The following SLC2A9 variants were observed in gnomAD, a reference collection of about 807,000 sequenced individuals.
SLC2A9 encodes the protein solute carrier family 2 member 9, also known as solute carrier family 2, facilitated glucose transporter member 9.
A neutral mutation model predicts 50.6 loss-of-function variants in SLC2A9; 39 were observed. The ratio of observed to expected loss-of-function variants is 0.77; its 90% CI spans 0.60 to 1.01. The LOEUF is 1.01. SLC2A9 is among the 50% of genes least tolerant of loss of function. SLC2A9 has a pLI of 0.00. For synonymous variants in SLC2A9, 324 were observed against 276.9 expected (o/e 1.17, Z -1.69); for missense variants, 686 against 677.6 (o/e 1.01, Z -0.14).
intron 10 of SLC2A9, among the ~76,000 whole-genome samples, chr4:9,869,804 T>G (rs966381481): frequency 6.6e-6 from 1 of 152,218 alleles, no homozygotes; most frequent in Admixed American, 6.5e-5. Context: ...TCAAAGCATA[T>G]GAGAAAACAG....
chr4:9,818,579 G>A (rs990081324), intron 3 of SLC2A9, among the ~76,000 whole-genome samples: 22 of 152,212 alleles, frequency 1.4e-4, no homozygotes, highest in African/African-American at 4.8e-4. Context: ...CCAGGGACAG[G>A]GGGTTTTCAC....
At chr4:9,787,851 G>A (rs1464973958) in intron 3 of SLC2A9, among the ~76,000 whole-genome samples, 1 of 152,182 alleles carries the variant, frequency 6.6e-6, no homozygotes, top group African/African-American at 2.4e-5. Context: ...CATGGCATGA[G>A]GGGCAGGTGC....
chr4:9,863,388 CCTT>C (rs1731960603), intron 10 of SLC2A9, among the ~76,000 whole-genome samples: 1 of 151,968 alleles, frequency 6.6e-6, no homozygotes, highest in Non-Finnish European at 1.5e-5. Flanking sequence ...CTCAAGAAAT[CCTT>C]CTGCTTCAGC....
downstream of SLC2A9, among the ~76,000 whole-genome samples, chr4:9,777,250 C>A (rs1345000027): frequency 6.6e-6 from 1 of 150,410 alleles, no homozygotes; most frequent in Non-Finnish European, 1.5e-5. Context: ...AAATGGCAAT[C>A]TTGTGCTAAT....
chr4:9,809,594 C>G (rs1272805959), intron 3 of SLC2A9, among the ~76,000 whole-genome samples: 2 of 152,170 alleles, frequency 1.3e-5, no homozygotes, highest in East Asian at 3.9e-4. Flanking sequence ...GCCTGGCCTG[C>G]AGGACCCACC....
intron 10 of SLC2A9, among the ~76,000 whole-genome samples, chr4:9,841,432 G>A (rs1198511021): frequency 1.3e-5 from 2 of 151,982 alleles, no homozygotes; most frequent in African/African-American, 4.8e-5. Flanking sequence ...CTTTCCCTGT[G>A]CATTGTCCTC....
At chr4:9,848,987 C>A (rs1364015317) in intron 10 of SLC2A9, among the ~76,000 whole-genome samples, 12 of 152,172 alleles carry the variant, frequency 7.9e-5, no homozygotes, top group Admixed American at 7.9e-4. Flanking sequence ...CAGGCGTGAG[C>A]CACCGTGCCT....
In SLC2A9 at chr4:9,858,982, C is replaced by T. The variant is rs113328744; in HGVS notation, c.1292-23974G>A. ...CTTCCTGCCCTTGAACATCAGACTC[C>T]GAGCTCTTCAGCTTTTGGACTCTTG... On this transcript the variant is annotated intron_variant, in intron 10 of 11. Transcript: ENST00000264784. Among the ~76,000 whole-genome samples, 869 of 152,266 alleles carry T rather than the reference C, an allele frequency of 5.7e-3. 11 individuals are homozygous for T. Among genetic ancestry groups the T allele is most frequent in the African/African-American group, 0.02 (828 of 41,536 alleles).
At chr4:9,936,128 T>C (rs769160952) in intron 6 of SLC2A9, among the ~76,000 whole-genome samples, 2 of 152,066 alleles carry the variant, frequency 1.3e-5, no homozygotes, top group Non-Finnish European at 2.9e-5. Context: ...CCCCCAGAAG[T>C]AAAAAGTTGA....
rs141934221 is a variant in SLC2A9, at chr4:9,800,852, G to A, written n.421-1611C>T. Among the ~76,000 whole-genome samples, 10 of 152,286 alleles carry A rather than the reference G, an allele frequency of 6.6e-5. No individual in the cohort carries two copies. In the East Asian group the frequency reaches 1.4e-3, roughly 21 times the overall value. On this transcript the variant is annotated intron_variant and non_coding_transcript_variant, in intron 3 of 3. Transcript: ENST00000503280. ...TATATCAGGGACTTGAGCATTTGTG[G>A]ATTTTGTATCCTTGGGGTCCTGAAA...
chr4:9,841,094 G>A (rs544212290), intron 10 of SLC2A9, among the ~76,000 whole-genome samples: 2 of 152,324 alleles, frequency 1.3e-5, no homozygotes, highest in African/African-American at 4.8e-5. Context: ...TAGGGACACA[G>A]AACCAAATCA....
chr4:9,837,496 C>G (rs1727287356), intron 10 of SLC2A9, among the ~76,000 whole-genome samples: 1 of 152,200 alleles, frequency 6.6e-6, no homozygotes, highest in African/African-American at 2.4e-5. Context: ...TTTTTGGAAG[C>G]ACCTGTGGAT....
intron 3 of SLC2A9, among the ~76,000 whole-genome samples, chr4:9,817,044 G>T (rs1723697004): frequency 6.6e-6 from 1 of 152,132 alleles, no homozygotes; most frequent in Non-Finnish European, 1.5e-5. Context: ...TTCAAGGCCA[G>T]CAGTGCAGCA....
At chr4:9,922,212 G>A (rs553578358) in intron 6 of SLC2A9, among the ~76,000 whole-genome samples, 54 of 152,088 alleles carry the variant, frequency 3.6e-4, no homozygotes, top group African/African-American at 1.0e-3. Flanking sequence ...GCAAACTAAC[G>A]CCGGAACAGA....
intron 3 of SLC2A9, chr4:9,784,129 T>A (rs1418210666): frequency 6.4e-6 from 1 of 156,048 alleles, no homozygotes; most frequent in Non-Finnish European, 1.5e-5. Flanking sequence ...ACATGCTTAA[T>A]CTCTTTACAG....
intron 10 of SLC2A9, among the ~76,000 whole-genome samples, chr4:9,866,478 T>TGA (rs1553849053): frequency 1.3e-5 from 2 of 151,928 alleles, no homozygotes; most frequent in African/African-American, 4.8e-5. Context: ...CTTCCTGCTC[T>TGA]CTTAGTTTTC....
At chr4:9,771,236 C>T (rs1221404231) in exon 2 of SLC2A9, 2 of 363,136 alleles carry the variant, frequency 5.5e-6, no homozygotes, top group Admixed American at 9.3e-5. Flanking sequence ...AATCCCTAAC[C>T]TCAGTGACAG....
chr4:9,918,641 C>A (rs938090378), intron 7 of SLC2A9, among the ~76,000 whole-genome samples: 1 of 152,332 alleles, frequency 6.6e-6, no homozygotes, highest in African/African-American at 2.4e-5. Flanking sequence ...GCTCCTGGCC[C>A]ACTCTGAGTG....
At chr4:9,872,526 A>C (rs1733618682) in intron 10 of SLC2A9, among the ~76,000 whole-genome samples, 1 of 152,262 alleles carries the variant, frequency 6.6e-6, no homozygotes, top group Admixed American at 6.5e-5. Context: ...AAATTCGATA[A>C]ATGTGTTGCT....
Sources: allele counts gnomAD v4.1 joint callset (sites outside exome capture counted in the v4.1 genomes callset), GRCh38; gene constraint gnomAD v4.1.1; transcripts MANE v1.5; gene names NCBI Gene and HGNC (gene_info 2026-07-23, HGNC 2026-07-21).